PASK: variants seen among roughly 807,000 people sequenced by gnomAD.
PASK encodes PAS domain containing serine/threonine kinase.
In PASK, 110 loss-of-function variants were observed where a neutral mutation model predicts 121.0. The observed-to-expected ratio is 0.91, with a 90% CI of 0.78 to 1.06. The LOEUF (loss-of-function observed/expected upper bound fraction) is 1.06. PASK is among the 50% of genes least tolerant of loss of function. PASK has a pLI of 0.00. For missense variants in PASK, 1,643 were observed against 1,702.3 expected (o/e 0.97, Z 0.61); for synonymous variants, 686 against 717.8 (o/e 0.96, Z 0.71).
rs1398611761 is a variant in PASK at position 241,126,838 on chromosome 2, G to C, written c.2077C>G (p.Pro693Ala). ...CCTCCCAGATCGCAGGACGACACAGGAGCGGTGACAGCCTGGCACTCTGTC... is the reference window on the plus strand; with the variant it reads ...CCTCCCAGATCGCAGGACGACACAGCAGCGGTGACAGCCTGGCACTCTGTC... ...VPTECQAVTA[P>A]VSSCDLGGRD... The change falls in exon 10 of 18, where the codon CCT becomes GCT. Residue 693 changes from proline (P) to alanine (A), a missense_variant. By Grantham distance (27) the Pro-to-Ala change is conservative. Around this residue, in one of 3 missense-constraint regions of PASK, gnomAD observed 1,176 missense variants for 1,162.2 expected, o/e 1.01. Coordinates refer to ENST00000234040, the MANE Select transcript of PASK (RefSeq NM_015148.4). The C allele has an allele frequency of 6.2e-7, 1 of 1,613,028 alleles. No homozygotes were observed. Among genetic ancestry groups the C allele is most frequent in the Admixed American group, 1.7e-5 (1 of 59,998 alleles).
At chr2:241,118,386 G>C (rs1342332393) in intron 12 of PASK, among the ~76,000 whole-genome samples, 1 of 152,118 alleles carries the variant, frequency 6.6e-6, no homozygotes, top group South Asian at 2.1e-4. Context: ...ACAAATCCAT[G>C]CATCTATGGT....
Position 241,136,048 on chromosome 2 carries a change from C to T in PASK, c.1138-9G>A. ...ATCAGGAAAGTGATATTCTAGAAAA[C>T]AAAGCAGGGACATTTCAGAACCTGG... On this transcript the variant is annotated splice_polypyrimidine_tract_variant and intron_variant, in intron 7 of 17. Transcript: ENST00000234040. 6.2e-7 allele frequency: 1 copy of T among 1,613,232 alleles called. No individual in the cohort carries two copies. Among genetic ancestry groups the T allele is most frequent in the South Asian group, 1.1e-5 (1 of 91,066 alleles).
chr2:241,137,538 CAGGG>C (rs1305676383), intron 6 of PASK, among the ~76,000 whole-genome samples: 9 of 152,046 alleles, frequency 5.9e-5, no homozygotes, highest in Admixed American at 3.9e-4. Context: ...CGGGCACCAG[CAGGG>C]AGGGAGGGAG....
chr2:241,140,019 C>A lies in PASK; in HGVS notation c.466G>T (p.Gly156Trp). The part of the protein sequence containing the change: ...VANDKACGLL[G>W]YSSQDLIGQK... ...CCAATCAGGTCCTGGCTGCTGTACC[C>A]CAGGAGCCCGCAAGCTTTGTCGTTA... The change falls in exon 4 of 18, where the codon GGG (glycine) becomes TGG (tryptophan). Residue 156 changes from glycine (G) to tryptophan (W), a missense_variant. Physicochemically the swap from Gly to Trp is radical, Grantham distance 184. Coordinates refer to ENST00000234040, the MANE Select transcript of PASK (RefSeq NM_015148.4). 1.9e-6 allele frequency: 3 copies of A among 1,614,028 alleles called. No individual in the cohort carries two copies. The highest frequency in any genetic ancestry group is 2.5e-6 in the Non-Finnish European group (3 of 1,179,860).
chr2:241,143,393 T>C (rs2066803985), intron 1 of PASK, among the ~76,000 whole-genome samples: 1 of 151,588 alleles, frequency 6.6e-6, no homozygotes, highest in South Asian at 2.1e-4. Context: ...CCACTAAAAA[T>C]ACAAAAAATT....
At chr2:241,129,323 CCA>C (rs971557485) in intron 9 of PASK, among the ~76,000 whole-genome samples, 1 of 152,128 alleles carries the variant, frequency 6.6e-6, no homozygotes, top group African/African-American at 2.4e-5. Flanking sequence ...CCCGTTCTCT[CCA>C]CAGTCACCTG....
rs201276177 is a variant in PASK at position 241,127,050 on chromosome 2, C to T, written c.1865G>A (p.Arg622Gln). Residue 622 changes from arginine (R) to glutamine (Q), a missense_variant, in exon 10 of 18, where the codon CGA (arginine) becomes CAA (glutamine). Around this residue, in one of 3 missense-constraint regions of PASK, gnomAD observed 1,176 missense variants for 1,162.2 expected, o/e 1.01. Coordinates refer to ENST00000234040, the MANE Select transcript of PASK (RefSeq NM_015148.4). ...GGGGCTGGGGGCCAAGTCCTGGCTT[C>T]GCCACCACAAGCCCCATTCACTCCC... ...CYGSEWGLWW[R>Q]SQDLAPSPSG... 53 of 1,614,022 alleles carry T rather than the reference C, an allele frequency of 3.3e-5. No individual in the cohort carries two copies. Among genetic ancestry groups the T allele is most frequent in the South Asian group, 7.7e-5 (7 of 91,086 alleles).
chr2:241,138,606 A>C, intron 5 of PASK, 48 bp downstream of exon 5: 1 of 1,609,762 alleles, frequency 6.2e-7, no homozygotes, highest in Non-Finnish European at 8.5e-7. Context: ...GAGGAGAACG[A>C]CGCCGGCTCC....
intron 11 of PASK, among the ~76,000 whole-genome samples, chr2:241,123,740 C>T (rs2065728204): frequency 6.6e-6 from 1 of 151,714 alleles, no homozygotes; most frequent in South Asian, 2.1e-4. Context: ...ATCACTTGAA[C>T]CCGGGAAGCA....
Position 241,127,154 on chromosome 2 carries a change from C to G in PASK, c.1761G>C (p.Trp587Cys). 6.2e-7 allele frequency: 1 copy of G among 1,614,040 alleles called. No homozygotes were observed. Among genetic ancestry groups the G allele is most frequent in the Non-Finnish European group, 8.5e-7 (1 of 1,179,982 alleles). ...GVSGPSGSDL[W>C]AGAAVAKPQA... ...GGGGCTTGGCCACGGCAGCCCCAGC[C>G]CAAAGGTCTGAACCGCTGGGACCAC... The change falls in exon 10 of 18, where the codon TGG becomes TGC. Residue 587 changes from tryptophan to cysteine, a missense_variant. Physicochemically the swap from Trp to Cys is radical, Grantham distance 215. This residue lies in a region of PASK where 1,176 missense variants were observed against 1,162.2 expected (regional missense o/e 1.01). Transcript: ENST00000234040.
intron 13 of PASK, 33 bp from the exon 14 acceptor site, chr2:241,115,210 C>A: frequency 6.2e-7 from 1 of 1,614,032 alleles, no homozygotes; most frequent in South Asian, 1.1e-5. Context: ...CCAACTCTAC[C>A]AAAACATCTT....
rs140372721 is a variant in PASK, at chr2:241,112,260, C to T, written c.3513G>A (p.Pro1171=). The part of the protein sequence containing the change: ...TFCGTIEYCA[P]EVLMGNPYRG... ...CGTACGGATTCCCCATGAGAACTTC[C>T]GGTGCACAGTACTCGATGGTCCCAC... The change falls in exon 15 of 18, where the codon CCG becomes CCA. Residue 1171 remains proline, a synonymous_variant. Transcript: ENST00000234040. The surrounding 1 kb of genome is among the most constrained non-coding windows in gnomAD (Gnocchi z 5.2). 4.3e-6 allele frequency: 7 copies of T among 1,613,522 alleles called. No homozygotes were observed. Among genetic ancestry groups the T allele is most frequent in the African/African-American group, 2.7e-5 (2 of 74,882 alleles).
intron 15 of PASK, among the ~76,000 whole-genome samples, chr2:241,110,711 G>A (rs1459233727): frequency 6.6e-6 from 1 of 152,184 alleles, no homozygotes. Flanking sequence ...CCATGCAGCA[G>A]GCATCATGGG....
chr2:241,108,061 CTG>C lies in PASK; in HGVS notation c.3667+104_3667+105del. ...ATGAATAGAAAAGAAACAAATGAGA[CTG>C]TTGATATGGACAGAGATACACTGAG... On this transcript the variant is annotated intron_variant, in intron 16 of 17. Transcript: ENST00000234040. The surrounding 1 kb of genome is among the most constrained non-coding windows in gnomAD (Gnocchi z 5.2). The C allele has an allele frequency of 9.8e-7, 1 of 1,025,380 alleles. No individual in the cohort carries two copies. Among genetic ancestry groups the C allele is most frequent in the Non-Finnish European group, 1.5e-6 (1 of 646,634 alleles). The allele number at this position is 1,025,380 out of a possible 1,614,324, so 63.5% of individuals were successfully genotyped here.
chr2:241,139,672 A>G, intron 4 of PASK: 1 of 705,978 alleles, frequency 1.4e-6, no homozygotes, highest in Non-Finnish European at 2.6e-6. Flanking sequence ...CACAGTGTCC[A>G]TTCCTGCGAT....
chr2:241,150,192 C>T (rs1372562630), upstream of PASK: 1 of 1,275,574 alleles, frequency 7.8e-7, no homozygotes, highest in Non-Finnish European at 9.9e-7. Context: ...GCCTAGACGT[C>T]CACTCCGTCT....
intron 17 of PASK, 73 bp from the exon 18 acceptor site, chr2:241,106,796 A>C: frequency 6.8e-7 from 1 of 1,463,700 alleles, no homozygotes; most frequent in Non-Finnish European, 9.5e-7. Context: ...TTCTCACTTG[A>C]AGAAGTCCTA....
chr2:241,134,309 G>A (rs961454012), intron 8 of PASK: 10 of 152,328 alleles, frequency 6.6e-5, no homozygotes, highest in African/African-American at 2.4e-4. Context: ...TATAATTAGT[G>A]CTAGAGGAAA....
At chr2:241,149,960 G>C, upstream of PASK, 4 of 1,425,618 alleles carry the variant, frequency 2.8e-6, no homozygotes, top group Non-Finnish European at 3.7e-6. Context: ...ATTTCGCATG[G>C]GTAAAATCCG....
Sources: allele counts gnomAD v4.1 joint callset (sites outside exome capture counted in the v4.1 genomes callset), GRCh38; gene constraint gnomAD v4.1.1; regional missense constraint gnomAD v4.1.1; non-coding constraint Gnocchi (gnomAD v3.1); transcripts MANE v1.5; gene names NCBI Gene and HGNC (gene_info 2026-07-23, HGNC 2026-07-21).